KDM4B: variants seen among roughly 807,000 people sequenced by gnomAD.
KDM4B encodes the protein lysine demethylase 4B.
KDM4B carries 32 observed loss-of-function variants against 125.2 expected under a neutral mutation model. That is an observed-to-expected ratio of 0.26 (90% CI 0.19 to 0.34). KDM4B has a LOEUF of 0.34. Among genes scored for constraint, KDM4B ranks in the 10% least tolerant of loss-of-function variants. The pLI, the probability that KDM4B is intolerant of heterozygous loss-of-function variation, is 1.00. For synonymous variants in KDM4B, 721 were observed against 677.9 expected (o/e 1.06, Z -0.99); for missense variants, 1,190 against 1,577.7 (o/e 0.75, Z 4.16).
chr19:5,034,983 A>C (rs113388397), intron 3 of KDM4B, among the ~76,000 whole-genome samples: 6,255 of 152,230 alleles, frequency 0.041, 191 homozygotes, highest in Non-Finnish European at 0.067. Context: ...TGCACCACCA[A>C]GCTGGATTTT....
At chr19:4,988,099 G>A (rs1326266851) in intron 1 of KDM4B, among the ~76,000 whole-genome samples, 1 of 152,214 alleles carries the variant, frequency 6.6e-6, no homozygotes, top group African/African-American at 2.4e-5. Context: ...AAGCGGTGCA[G>A]GGGCAGGAGC....
intron 1 of KDM4B, among the ~76,000 whole-genome samples, chr19:5,002,427 C>G (rs373060495): frequency 2.4e-4 from 36 of 148,194 alleles, no homozygotes; most frequent in African/African-American, 8.3e-4. Flanking sequence ...TCTCTCCTTT[C>G]TCTCTACTTT....
In KDM4B at chr19:5,081,298, A is replaced by G. The variant is rs1361257726; in HGVS notation, c.781-1069A>G. ...CGGGGTGCAGCAGGTGGGAGCCATCACTCCAAATTTGTTGTTGATCTTTCT... is the reference window on the plus strand; with the variant it reads ...CGGGGTGCAGCAGGTGGGAGCCATCGCTCCAAATTTGTTGTTGATCTTTCT... On this transcript the variant is annotated intron_variant, in intron 8 of 22. Coordinates refer to ENST00000159111, the MANE Select transcript of KDM4B (RefSeq NM_015015.3). The surrounding 1 kb of genome is among the most constrained non-coding windows in gnomAD (Gnocchi z 4.2). Among the ~76,000 whole-genome samples, 4 of 151,718 alleles carry G rather than the reference A, an allele frequency of 2.6e-5. No homozygotes were observed. Among genetic ancestry groups the G allele is most frequent in the African/African-American group, 9.7e-5 (4 of 41,238 alleles).
intron 1 of KDM4B, among the ~76,000 whole-genome samples, chr19:4,975,718 G>T (rs547330366): frequency 1.1e-4 from 17 of 151,364 alleles, no homozygotes; most frequent in African/African-American, 3.6e-4. Context: ...TCAGCCTCTT[G>T]AGTAGCTGGG....
intron 13 of KDM4B, 139 bp downstream of exon 13, chr19:5,132,146 C>A: frequency 2.7e-6 from 3 of 1,119,776 alleles, no homozygotes; most frequent in Non-Finnish European, 3.7e-6. Flanking sequence ...CTTTCTGTGG[C>A]TCTGCCGTAG....
rs528826378 is a variant in KDM4B at position 5,087,792 on chromosome 19, A to G, written c.918+5288A>G. 5.3e-5 allele frequency among the ~76,000 whole-genome samples: 8 copies of G among 152,306 alleles called. No homozygotes were observed. The South Asian group carries it at 1.7e-3, about 32-fold the overall frequency. On this transcript the variant is annotated intron_variant, in intron 9 of 22. Transcript: ENST00000159111. Reference sequence around the variant, plus strand: ...TTTCTTAAGCACACAGGTGTTAAGTATCTCAGAGCCATGAAACTCTCTGCC... The same window carrying G: ...TTTCTTAAGCACACAGGTGTTAAGTGTCTCAGAGCCATGAAACTCTCTGCC...
chr19:5,110,534 C>T (rs933544504), intron 9 of KDM4B, 88 bp from the exon 10 acceptor site: 2 of 1,324,544 alleles, frequency 1.5e-6, no homozygotes, highest in Non-Finnish European at 2.2e-6. Context: ...GAGGCCCGGG[C>T]CGTGAGCCCT....
chr19:4,996,021 C>T (rs1055315353), intron 1 of KDM4B, among the ~76,000 whole-genome samples: 7 of 152,100 alleles, frequency 4.6e-5, no homozygotes, highest in Non-Finnish European at 7.4e-5. Context: ...GACAGTGTCT[C>T]GCTCTGTCGC....
intron 6 of KDM4B, among the ~76,000 whole-genome samples, chr19:5,055,581 G>A (rs766554798): frequency 2.0e-4 from 31 of 151,944 alleles, no homozygotes; most frequent in African/African-American, 6.5e-4. Flanking sequence ...TGGGCACCCC[G>A]CAGCAGGCGA....
intron 1 of KDM4B, among the ~76,000 whole-genome samples, chr19:4,970,613 C>G (rs1299796673): frequency 6.6e-6 from 1 of 152,192 alleles, no homozygotes; most frequent in Non-Finnish European, 1.5e-5. Flanking sequence ...CATTAGACGA[C>G]TCCTATGGGC....
In KDM4B at chr19:5,137,318, G is replaced by A. The variant is rs1268394798; in HGVS notation, c.2365G>A (p.Ala789Thr). The A allele has an allele frequency of 1.7e-5, 26 of 1,574,650 alleles. No homozygotes were observed. Among genetic ancestry groups the A allele is most frequent in the African/African-American group, 6.7e-5 (5 of 74,264 alleles). Residue 789 changes from alanine (A) to threonine (T), a missense_variant, in exon 16 of 23, where the codon GCG (alanine) becomes ACG (threonine). Ala to Thr is a moderately conservative substitution (Grantham distance 58). Coordinates refer to ENST00000159111, the MANE Select transcript of KDM4B (RefSeq NM_015015.3). ...VNEGWTCSRC[A>T]AHAWTAECCL... ...TGAAGGCTGGACGTGTTCCCGGTGC[G>A]CGGCCCACGCCTGGACTGCGGTAAC... is the stretch of plus-strand genomic sequence containing the variant.
intron 6 of KDM4B, among the ~76,000 whole-genome samples, chr19:5,049,652 T>C (rs2037155474): frequency 6.6e-6 from 1 of 152,072 alleles, no homozygotes; most frequent in Admixed American, 6.5e-5. Flanking sequence ...TCACCAGGGC[T>C]GAGGCGGGGC....
intron 1 of KDM4B, among the ~76,000 whole-genome samples, chr19:5,004,821 G>A (rs1053188795): frequency 6.6e-6 from 1 of 152,108 alleles, no homozygotes; most frequent in Admixed American, 6.5e-5. Flanking sequence ...ACTCCCTACT[G>A]TCCAGGCAGC....
At chr19:5,013,979 C>T (rs978431558) in intron 1 of KDM4B, among the ~76,000 whole-genome samples, 13 of 152,200 alleles carry the variant, frequency 8.5e-5, no homozygotes, top group South Asian at 2.1e-4. Flanking sequence ...AGGCGCAGCC[C>T]GTGGCCCGGC....
At chr19:5,091,529 G>A (rs914582573) in intron 9 of KDM4B, among the ~76,000 whole-genome samples, 5 of 152,124 alleles carry the variant, frequency 3.3e-5, no homozygotes, top group Non-Finnish European at 4.4e-5. Context: ...CCACCTCCCC[G>A]CATCCAGGCT....
chr19:5,068,719 T>C (rs1354167740), intron 6 of KDM4B, among the ~76,000 whole-genome samples: 2 of 152,242 alleles, frequency 1.3e-5, no homozygotes, highest in South Asian at 2.1e-4. Context: ...TCTCCGTGGC[T>C]GCCCGGCCTC....
At chr19:5,143,864 C>T (rs528894048) in intron 18 of KDM4B, 103 bp from the exon 19 acceptor site, 60 of 942,874 alleles carry the variant, frequency 6.4e-5, no homozygotes, top group South Asian at 8.1e-5. Flanking sequence ...GCCACTCCCG[C>T]GATGCCTCCC....
intron 1 of KDM4B, among the ~76,000 whole-genome samples, chr19:5,014,193 C>T (rs1422120092): frequency 6.6e-6 from 1 of 152,254 alleles, no homozygotes; most frequent in South Asian, 2.1e-4. Context: ...GTCGCCCAGG[C>T]TGCAGCCTTG....
At chr19:5,029,690 G>T (rs866784385) in intron 2 of KDM4B, among the ~76,000 whole-genome samples, 1 of 152,134 alleles carries the variant, frequency 6.6e-6, no homozygotes. Flanking sequence ...AGCCAGGTGT[G>T]GTGGCACACA....
Sources: gnomAD v4.1 joint callset for allele counts (sites outside exome capture counted in the v4.1 genomes callset) on GRCh38, gnomAD v4.1.1 for gene constraint, Gnocchi (gnomAD v3.1) non-coding constraint, MANE v1.5 for transcripts, NCBI Gene and HGNC (gene_info 2026-07-23, HGNC 2026-07-21) for gene names.